The following EYS variants were observed in gnomAD, a reference collection of about 807,000 sequenced individuals.
EYS encodes the protein protein eyes shut homolog.
EYS carries 250 observed loss-of-function variants against 282.1 expected under a neutral mutation model. That is an observed-to-expected ratio of 0.89 (90% confidence interval 0.80 to 0.98). The LOEUF (loss-of-function observed/expected upper bound fraction) is 0.98, where lower values mean the gene tolerates loss of function less well. Ranked by LOEUF, EYS falls within the 50% of genes least tolerant of loss-of-function variation. EYS has a pLI of 0.00. For synonymous variants in EYS, 1,355 were observed against 1,282.9 expected, an observed-to-expected ratio of 1.06 and a Z score of -1.20; for missense variants, 4,016 against 3,709.0, an observed-to-expected ratio of 1.08 and a Z score of -2.15.
chr6:64,098,027 A>T (rs1248428846), intron 31 of EYS, among the ~76,000 whole-genome samples: 1 of 152,192 alleles, frequency 6.6e-6, no homozygotes, highest in East Asian at 1.9e-4. Flanking sequence ...TAATTGCAAG[A>T]GTTGGTGAAG....
chr6:64,421,270 C>A (rs1247006921), intron 28 of EYS, among the ~76,000 whole-genome samples: 1 of 152,144 alleles, frequency 6.6e-6, no homozygotes, highest in African/African-American at 2.4e-5. Context: ...AAAAAACCCT[C>A]AGATCTCATG....
At chr6:65,122,286 G>T (rs1194624466) in intron 12 of EYS, among the ~76,000 whole-genome samples, 1 of 152,062 alleles carries the variant, frequency 6.6e-6, no homozygotes, top group African/African-American at 2.4e-5. Context: ...ATCACAAAAA[G>T]GGGATTTGCC....
chr6:64,570,321 C>A (rs1452873227), intron 26 of EYS, among the ~76,000 whole-genome samples: 5 of 152,196 alleles, frequency 3.3e-5, no homozygotes, highest in African/African-American at 1.2e-4. Context: ...ACAACCGTTA[C>A]CAGCCACTGC....
intron 14 of EYS, among the ~76,000 whole-genome samples, chr6:64,971,469 A>G (rs952942364): frequency 6.6e-6 from 1 of 152,116 alleles, no homozygotes; most frequent in Non-Finnish European, 1.5e-5. Context: ...TTTGAAGGGA[A>G]AAAAAATAAA....
At chr6:65,391,823 T>C (rs1334802208) in intron 7 of EYS, among the ~76,000 whole-genome samples, 3 of 152,014 alleles carry the variant, frequency 2.0e-5, no homozygotes, top group African/African-American at 7.2e-5. Context: ...AAAACTACTT[T>C]AAAGTTCATA....
chr6:64,910,360 G>A (rs1246762387), intron 16 of EYS, among the ~76,000 whole-genome samples: 3 of 152,046 alleles, frequency 2.0e-5, no homozygotes, highest in Admixed American at 6.6e-5. Flanking sequence ...GTTTTTAAAA[G>A]CAATGTTACA....
intron 28 of EYS, among the ~76,000 whole-genome samples, chr6:64,431,974 A>G (rs988864793): frequency 6.6e-6 from 1 of 152,150 alleles, no homozygotes; most frequent in Non-Finnish European, 1.5e-5. Flanking sequence ...GTTTATATAA[A>G]TCATATGCCC....
intron 13 of EYS, among the ~76,000 whole-genome samples, chr6:65,026,322 G>T (rs982422875): frequency 1.1e-4 from 17 of 152,122 alleles, no homozygotes; most frequent in African/African-American, 4.1e-4. Flanking sequence ...AATGAAGATT[G>T]TTTAGAATTT....
chr6:64,146,486 T>C lies in EYS; in HGVS notation c.6425-64484A>G, dbSNP rs369552990. On this transcript the variant is annotated intron_variant, in intron 31 of 42. Transcript: ENST00000503581. ...CTGAGGCAAGAACTTGAGTATAGTTTATATGGAATGTGATTCACAGACACA... is the reference window on the plus strand; with the variant it reads ...CTGAGGCAAGAACTTGAGTATAGTTCATATGGAATGTGATTCACAGACACA... Among the ~76,000 whole-genome samples, 17 of 152,258 alleles carry C rather than the reference T, an allele frequency of 1.1e-4. No individual in the cohort carries two copies. The East Asian group carries it at 2.9e-3, about 26-fold the overall frequency.
At chr6:64,697,124 T>TA (rs1770608348) in intron 22 of EYS, among the ~76,000 whole-genome samples, 2 of 151,960 alleles carry the variant, frequency 1.3e-5, no homozygotes, top group South Asian at 4.2e-4. Context: ...AGTGTGGATT[T>TA]AAAAAAAACA....
intron 22 of EYS, among the ~76,000 whole-genome samples, chr6:64,660,700 A>T (rs961056304): frequency 1.5e-4 from 23 of 152,218 alleles, no homozygotes; most frequent in Non-Finnish European, 1.6e-4. Flanking sequence ...GGACCTCTTC[A>T]AGGAGAACTA....
At chr6:65,617,420 T>G (rs892422135) in intron 2 of EYS, among the ~76,000 whole-genome samples, 1 of 152,134 alleles carries the variant, frequency 6.6e-6, no homozygotes, top group Non-Finnish European at 1.5e-5. Flanking sequence ...TATTGGTAAA[T>G]GTTTAATGAT....
chr6:63,868,076 G>A (rs550828202), intron 35 of EYS, among the ~76,000 whole-genome samples: 60 of 152,242 alleles, frequency 3.9e-4, no homozygotes, highest in African/African-American at 1.4e-3. Context: ...ACAAAGATGA[G>A]AAGGTTTTCA....
chr6:64,232,341 ATC>A lies in EYS; in HGVS notation c.6192-1519_6192-1518del, dbSNP rs200553672. Reference sequence around the variant, plus strand: ...GTAAATATTGTATAAATAATTTTGAATCTTTTTTTTTGTAAATATGCAATGTA... The same window carrying A: ...GTAAATATTGTATAAATAATTTTGAATTTTTTTTTGTAAATATGCAATGTA... On this transcript the variant is annotated intron_variant, in intron 30 of 42. Transcript: ENST00000503581. 4.3e-4 allele frequency among the ~76,000 whole-genome samples: 58 copies of A among 135,060 alleles called. No individual in the cohort carries two copies. In the East Asian group the frequency reaches 8.2e-3, roughly 19 times the overall value. 88.6% of individuals were successfully genotyped at this position (135,060 alleles called of 152,430 possible).
At chr6:63,870,548 C>G (rs971835653) in intron 35 of EYS, among the ~76,000 whole-genome samples, 2 of 152,056 alleles carry the variant, frequency 1.3e-5, no homozygotes, top group African/African-American at 4.8e-5. Flanking sequence ...TTTGCAGTTT[C>G]TCACTTATTC....
At chr6:64,469,123 A>C (rs1776026769) in intron 26 of EYS, among the ~76,000 whole-genome samples, 1 of 152,074 alleles carries the variant, frequency 6.6e-6, no homozygotes, top group Admixed American at 6.6e-5. Context: ...GCAGTGTATA[A>C]ATTTTCTTTT....
intron 22 of EYS, among the ~76,000 whole-genome samples, chr6:64,627,264 A>G (rs1767639675): frequency 6.6e-6 from 1 of 152,216 alleles, no homozygotes; most frequent in African/African-American, 2.4e-5. Context: ...CAATTATATG[A>G]TAAATGCTAT....
chr6:64,437,344 C>T (rs1279618986), intron 27 of EYS, among the ~76,000 whole-genome samples: 2 of 151,582 alleles, frequency 1.3e-5, no homozygotes, highest in African/African-American at 4.8e-5. Context: ...ATAAAACTAA[C>T]TAGTGAATAG....
chr6:63,895,246 A>AT (rs56246947), intron 35 of EYS, among the ~76,000 whole-genome samples: 1 of 151,818 alleles, frequency 6.6e-6, no homozygotes, highest in Non-Finnish European at 1.5e-5. Flanking sequence ...CAATGATTTC[A>AT]TTTTTTTTTC....
Sources: gnomAD v4.1 joint callset for allele counts (sites outside exome capture counted in the v4.1 genomes callset) on GRCh38, gnomAD v4.1.1 for gene constraint, MANE v1.5 for transcripts, NCBI Gene and HGNC (gene_info 2026-07-23, HGNC 2026-07-21) for gene names.